HTR2C: variants seen among roughly 807,000 people sequenced by gnomAD.
The protein encoded by HTR2C is 5-hydroxytryptamine (serotonin) receptor 2C, G protein-coupled.
HTR2C carries 5 observed loss-of-function variants against 21.0 expected under a neutral mutation model. The observed-to-expected ratio is 0.24, with a 90% CI of 0.12 to 0.50. The LOEUF is 0.50. Ranked by LOEUF, HTR2C falls within the 20% of genes least tolerant of loss-of-function variation. The probability of loss-of-function intolerance (pLI) is 0.98; values close to 1 mark genes in which losing one functional copy is unlikely to be tolerated. For missense variants in HTR2C, 271 were observed against 371.2 expected, an observed-to-expected ratio of 0.73 and a Z score of 2.22; for synonymous variants, 150 against 145.3, an observed-to-expected ratio of 1.03 and a Z score of -0.23.
intron 2 of HTR2C, among the ~76,000 whole-genome samples, chrX:114,632,132 G>T (rs911703268): frequency 1.8e-5 from 2 of 112,382 alleles, no homozygotes; most frequent in Non-Finnish European, 3.8e-5. Flanking sequence ...CATAGTTTTA[G>T]CACTGTATAA....
Position 114,698,978 on chromosome X carries a change from C to T in HTR2C, c.-79-27880C>T, listed in dbSNP as rs782746346. Reference sequence around the variant, plus strand: ...AGTAGTTATTGTGATAGTCACTCGACGGCAGCTTTAAAATCTGTGTTGCCT... The same window carrying T: ...AGTAGTTATTGTGATAGTCACTCGATGGCAGCTTTAAAATCTGTGTTGCCT... On this transcript the variant is annotated intron_variant, in intron 2 of 5. Transcript: ENST00000276198. 3.6e-4 allele frequency among the ~76,000 whole-genome samples: 40 copies of T among 111,484 alleles called. No individual in the cohort carries two copies. In the South Asian group the frequency reaches 0.012, roughly 35 times the overall value.
intron 2 of HTR2C, among the ~76,000 whole-genome samples, chrX:114,648,667 G>T (rs147424054): frequency 6.4e-4 from 71 of 111,746 alleles, no homozygotes; most frequent in Middle Eastern, 4.7e-3. Context: ...GGTTGAGGCC[G>T]CAGTGAGCCA....
At position 114,907,096 on chromosome X, in the gene HTR2C, T is replaced by G; in HGVS notation, c.1058T>G (p.Phe353Cys). The change falls in exon 6 of 6, where the codon TTT (phenylalanine) becomes TGT (cysteine). Residue 353 changes from phenylalanine to cysteine, a missense_variant. By Grantham distance (205) the Phe-to-Cys change is radical. Transcript: ENST00000276198. ...QKLMEKLLNV[F>C]VWIGYVCSGI... ...CTCATGGAAAAGCTTCTGAATGTGT[T>G]TGTTTGGATTGGCTATGTTTGTTCA... 8.3e-7 allele frequency: 1 copy of G among 1,211,513 alleles called. No homozygotes were observed. The highest frequency in any genetic ancestry group is 1.1e-6 in the Non-Finnish European group (1 of 895,371).
At chrX:114,722,850 T>A (rs1933280574) in intron 2 of HTR2C, among the ~76,000 whole-genome samples, 1 of 108,268 alleles carries the variant, frequency 9.2e-6, no homozygotes, top group African/African-American at 3.3e-5. Flanking sequence ...CAGCCTTGCA[T>A]CCCAGGGATG....
chrX:114,885,888 G>A (rs374914307), intron 5 of HTR2C, among the ~76,000 whole-genome samples: 3 of 111,403 alleles, frequency 2.7e-5, no homozygotes, highest in African/African-American at 9.7e-5. Context: ...TTATAGAGTT[G>A]TTCAAATCAT....
At position 114,675,868 on chromosome X, in the gene HTR2C, C is replaced by CTTTTTT. The variant is rs1556412476; in HGVS notation, c.-79-50989_-79-50984dup. 4.2e-5 allele frequency among the ~76,000 whole-genome samples: 4 copies of CTTTTTT among 94,303 alleles called. 1 individual carries two copies. Among genetic ancestry groups the CTTTTTT allele is most frequent in the Non-Finnish European group, 6.4e-5 (3 of 47,185 alleles). 81.9% of individuals were successfully genotyped at this position (94,303 alleles called of 115,157 possible). On this transcript the variant is annotated intron_variant, in intron 2 of 5. Transcript: ENST00000276198. ...TTTTAAGACTTTTCGTTTCTTTTTTCTTTTTTCTTTTTTTTTTTGAGACGA... is the reference window on the plus strand; with the variant it reads ...TTTTAAGACTTTTCGTTTCTTTTTTCTTTTTTTTTTTTCTTTTTTTTTTTGAGACGA...
intron 2 of HTR2C, among the ~76,000 whole-genome samples, chrX:114,635,857 T>C (rs1461728691): frequency 1.8e-5 from 2 of 111,700 alleles, no homozygotes; most frequent in East Asian, 5.6e-4. Context: ...TTAAGTTGAA[T>C]TGAAACTTTT....
At position 114,899,585 on chromosome X, in the gene HTR2C, G is replaced by A. The variant is rs184226723; in HGVS notation, c.551-7004G>A. ...GGGAGGAGCATGGTTTCCCACGGTC[G>A]CACAAGCACTCACCGCTTCCCTTGA... On this transcript the variant is annotated intron_variant, in intron 5 of 5. Transcript: ENST00000276198. Among the ~76,000 whole-genome samples the A allele has an allele frequency of 9.6e-3, 1,059 of 110,888 alleles. 15 individuals are homozygous for A. Among genetic ancestry groups the A allele is most frequent in the African/African-American group, 0.033 (997 of 30,520 alleles).
At chrX:114,591,012 T>C (rs1556390996) in intron 1 of HTR2C, among the ~76,000 whole-genome samples, 7 of 112,205 alleles carry the variant, frequency 6.2e-5, no homozygotes, top group Non-Finnish European at 1.9e-5. Flanking sequence ...ATTTCCTTCC[T>C]TTTTATACTG....
intron 2 of HTR2C, among the ~76,000 whole-genome samples, chrX:114,716,952 TGA>T (rs1318278301): frequency 2.7e-5 from 3 of 112,004 alleles, no homozygotes; most frequent in Admixed American, 1.9e-4. Flanking sequence ...ATTTGAATTA[TGA>T]GTCATAATTT....
chrX:114,607,465 T>C (rs1293929293), intron 1 of HTR2C, among the ~76,000 whole-genome samples: 1 of 111,797 alleles, frequency 8.9e-6, no homozygotes, highest in Non-Finnish European at 1.9e-5. Context: ...TGCATCATTC[T>C]GATTATACAC....
At chrX:114,713,475 A>T (rs1025403050) in intron 2 of HTR2C, among the ~76,000 whole-genome samples, 3 of 111,435 alleles carry the variant, frequency 2.7e-5, no homozygotes, top group Non-Finnish European at 5.7e-5. Context: ...AAATTGCTAC[A>T]ATTGGTCTAT....
At chrX:114,703,303 C>G (rs1343292187) in intron 2 of HTR2C, among the ~76,000 whole-genome samples, 4 of 107,133 alleles carry the variant, frequency 3.7e-5, no homozygotes, top group Non-Finnish European at 5.8e-5. Context: ...TGACCACATA[C>G]TTGGAAGTAA....
At chrX:114,636,068 G>GT (rs199651941) in intron 2 of HTR2C, among the ~76,000 whole-genome samples, 1,327 of 91,704 alleles carry the variant, frequency 0.014, 9 homozygotes, top group African/African-American at 0.027. Context: ...CTGTGCAATG[G>GT]TTTTTTTTTT....
chrX:114,904,752 A>G (rs2071359574), intron 5 of HTR2C, among the ~76,000 whole-genome samples: 1 of 111,526 alleles, frequency 9.0e-6, no homozygotes, highest in Non-Finnish European at 1.9e-5. Context: ...CTAATCCGTC[A>G]CTAAAATATG....
At chrX:114,701,109 G>A (rs1932470954) in intron 2 of HTR2C, among the ~76,000 whole-genome samples, 2 of 112,423 alleles carry the variant, frequency 1.8e-5, no homozygotes, top group South Asian at 7.3e-4. Flanking sequence ...GCCTGACTCT[G>A]TAGGCTCCAC....
intron 1 of HTR2C, among the ~76,000 whole-genome samples, chrX:114,592,707 C>A (rs1454325876): frequency 4.5e-5 from 5 of 111,860 alleles, no homozygotes; most frequent in Non-Finnish European, 7.5e-5. Context: ...TTCAAATGTG[C>A]CACCTTTTAA....
rs1931285705 is a variant in HTR2C, at chrX:114,669,343, A to G, written c.-80+55462A>G. ...TTTAATTCGATGAGCAGATTGGTACATTAGAGCTTTTTCATTGGAGAAGAA... is the reference window on the plus strand; with the variant it reads ...TTTAATTCGATGAGCAGATTGGTACGTTAGAGCTTTTTCATTGGAGAAGAA... On this transcript the variant is annotated intron_variant, in intron 2 of 5. Transcript: ENST00000276198. Among the ~76,000 whole-genome samples, 3 of 112,055 alleles carry G rather than the reference A, an allele frequency of 2.7e-5. No individual in the cohort carries two copies. The South Asian group carries it at 1.1e-3, about 41-fold the overall frequency.
chrX:114,814,826 TA>T (rs2070567213), intron 4 of HTR2C, among the ~76,000 whole-genome samples: 1 of 101,222 alleles, frequency 9.9e-6, no homozygotes, highest in Non-Finnish European at 2.0e-5. Context: ...GTATATATCA[TA>T]TATACTATAG....
Sources: gnomAD v4.1 joint callset for allele counts (sites outside exome capture counted in the v4.1 genomes callset) on GRCh38, gnomAD v4.1.1 for gene constraint, MANE v1.5 for transcripts, NCBI Gene and HGNC (gene_info 2026-07-23, HGNC 2026-07-21) for gene names.